ADAM22: variants seen among roughly 807,000 people sequenced by gnomAD.
ADAM22 encodes the protein disintegrin and metalloproteinase domain-containing protein 22.
ADAM22 carries 65 observed loss-of-function variants against 144.6 expected under a neutral mutation model. The ratio of observed to expected loss-of-function variants is 0.45; its 90% confidence interval spans 0.37 to 0.55. The LOEUF (loss-of-function observed/expected upper bound fraction) is 0.55, where lower values mean the gene tolerates loss of function less well. ADAM22 is among the 20% of genes least tolerant of loss of function. The pLI is 0.00. For synonymous variants in ADAM22, 391 were observed against 412.6 expected (o/e 0.95, Z 0.63); for missense variants, 974 against 1,184.9 (o/e 0.82, Z 2.61).
intron 29 of ADAM22, among the ~76,000 whole-genome samples, chr7:88,184,072 A>G (rs796718413): frequency 2.2e-4 from 34 of 152,188 alleles, no homozygotes; most frequent in African/African-American, 7.7e-4. Flanking sequence ...CCATTACTCA[A>G]AATTCCCTTT....
chr7:88,003,851 C>T (rs1293965647), intron 3 of ADAM22, among the ~76,000 whole-genome samples: 6 of 152,070 alleles, frequency 3.9e-5, no homozygotes, highest in Non-Finnish European at 5.9e-5. Flanking sequence ...CATATATAGA[C>T]GAACATATGG....
intron 4 of ADAM22, among the ~76,000 whole-genome samples, chr7:88,099,922 T>TA (rs1283189151): frequency 6.6e-6 from 1 of 152,096 alleles, no homozygotes; most frequent in Non-Finnish European, 1.5e-5. Flanking sequence ...CTACCAATTT[T>TA]AAAAAAATGA....
chr7:88,192,563 A>AT (rs1849853889), intron 30 of ADAM22, among the ~76,000 whole-genome samples: 1 of 152,126 alleles, frequency 6.6e-6, no homozygotes, highest in Non-Finnish European at 1.5e-5. Flanking sequence ...CATGTTTACT[A>AT]ATTTATTAAA....
intron 3 of ADAM22, among the ~76,000 whole-genome samples, chr7:88,004,140 A>C (rs554197997): frequency 3.9e-5 from 6 of 152,320 alleles, no homozygotes; most frequent in South Asian, 4.1e-4. Flanking sequence ...CATTGCCTGC[A>C]CTAAGAGGCT....
chr7:88,042,228 C>T (rs1803323346), intron 3 of ADAM22, among the ~76,000 whole-genome samples: 1 of 151,914 alleles, frequency 6.6e-6, no homozygotes, highest in Non-Finnish European at 1.5e-5. Flanking sequence ...TTTAGTAGGC[C>T]ATAAGAAAGA....
At chr7:87,936,796 A>T (rs1290139993) in intron 2 of ADAM22, among the ~76,000 whole-genome samples, 1 of 151,518 alleles carries the variant, frequency 6.6e-6, no homozygotes, top group Non-Finnish European at 1.5e-5. Flanking sequence ...AGTTCTCGTA[A>T]ATATGTATGT....
intron 3 of ADAM22, among the ~76,000 whole-genome samples, chr7:88,073,552 C>G (rs1049293789): frequency 7.2e-5 from 11 of 152,146 alleles, no homozygotes; most frequent in African/African-American, 2.4e-4. Flanking sequence ...GGTGAGGGAA[C>G]CAAAAGCTCC....
In ADAM22 at chr7:87,944,831, G is replaced by GT. The variant is rs1383358458; in HGVS notation, c.246+9658dup. Reference sequence around the variant, plus strand: ...GGAAACTTGTGTTTTTTTTTTTTTTGTTTTTTTTTTTTTAGTCAGTCTTGT... The same window carrying GT: ...GGAAACTTGTGTTTTTTTTTTTTTTGTTTTTTTTTTTTTTAGTCAGTCTTGT... On this transcript the variant is annotated intron_variant, in intron 2 of 31. Coordinates refer to ENST00000413139, the MANE Select transcript of ADAM22 (RefSeq NM_001324418.2). 4.5e-3 allele frequency among the ~76,000 whole-genome samples: 516 copies of GT among 114,068 alleles called. 6 individuals carry two copies. Among genetic ancestry groups the GT allele is most frequent in the African/African-American group, 0.013 (398 of 30,146 alleles). 74.8% of individuals were successfully genotyped at this position (114,068 alleles called of 152,430 possible). A position where few individuals can be genotyped will look rare whatever the true frequency, so the allele number is the denominator to read the frequency against.
intron 3 of ADAM22, among the ~76,000 whole-genome samples, chr7:88,013,046 C>T (rs1416710284): frequency 6.6e-6 from 1 of 152,192 alleles, no homozygotes; most frequent in African/African-American, 2.4e-5. Flanking sequence ...GCAAAACTCT[C>T]AAAAGTATGG....
chr7:87,992,004 A>C (rs1406961017), intron 3 of ADAM22, among the ~76,000 whole-genome samples: 1 of 152,244 alleles, frequency 6.6e-6, no homozygotes, highest in Admixed American at 6.5e-5. Flanking sequence ...AATCAGATTC[A>C]GCTTAGATCA....
At chr7:87,960,477 G>A (rs2129445142) in intron 2 of ADAM22, among the ~76,000 whole-genome samples, 1 of 152,030 alleles carries the variant, frequency 6.6e-6, no homozygotes, top group South Asian at 2.1e-4. Flanking sequence ...TATTTCACTT[G>A]ACAAGAAGAG....
intron 3 of ADAM22, among the ~76,000 whole-genome samples, chr7:88,069,319 T>C (rs1812128559): frequency 6.6e-6 from 1 of 152,098 alleles, no homozygotes; most frequent in Non-Finnish European, 1.5e-5. Context: ...CACAAGTTGC[T>C]GGCACCTTGA....
intron 3 of ADAM22, among the ~76,000 whole-genome samples, chr7:87,995,079 A>G (rs1370914131): frequency 6.6e-6 from 1 of 152,118 alleles, no homozygotes; most frequent in African/African-American, 2.4e-5. Flanking sequence ...CGGCCTCCCA[A>G]AGTGCTGGGA....
chr7:88,113,717 T>TTTATATATATATTTATATAA (rs1554478803), intron 5 of ADAM22, among the ~76,000 whole-genome samples: 2 of 112,592 alleles, frequency 1.8e-5, no homozygotes, highest in Non-Finnish European at 3.6e-5. Flanking sequence ...TATATATATA[T>TTTATATATATATTTATATAA]ATATATATAT....
intron 3 of ADAM22, among the ~76,000 whole-genome samples, chr7:88,069,409 T>A (rs1812156393): frequency 6.6e-6 from 1 of 152,182 alleles, no homozygotes; most frequent in Admixed American, 6.6e-5. Context: ...GATATTCTGT[T>A]ACAGCAGCAC....
chr7:88,096,788 A>G (rs1425422512), intron 4 of ADAM22, among the ~76,000 whole-genome samples: 2 of 152,042 alleles, frequency 1.3e-5, no homozygotes, highest in East Asian at 3.9e-4. Flanking sequence ...TGGTGGTTCA[A>G]CTCCCTTCTT....
chr7:88,162,828 C>G (rs1842041533), intron 22 of ADAM22, among the ~76,000 whole-genome samples, 184 bp from the exon 23 acceptor site: 1 of 151,968 alleles, frequency 6.6e-6, no homozygotes, highest in Non-Finnish European at 1.5e-5. Flanking sequence ...TCAATTTCTC[C>G]AAAAGGAATT....
intron 28 of ADAM22, 86 bp from the exon 29 acceptor site, chr7:88,181,872 A>G (rs1341818868): frequency 2.0e-5 from 24 of 1,218,386 alleles, no homozygotes; most frequent in East Asian, 9.3e-5. Flanking sequence ...CTGCTTATCA[A>G]TTATACCCAC....
At chr7:87,959,785 A>C (rs1010859412) in intron 2 of ADAM22, among the ~76,000 whole-genome samples, 24 of 152,248 alleles carry the variant, frequency 1.6e-4, no homozygotes, top group African/African-American at 5.5e-4. Context: ...TGCATTTGAA[A>C]TATATGTATG....
Sources: gnomAD v4.1 joint callset for allele counts (sites outside exome capture counted in the v4.1 genomes callset) on GRCh38, gnomAD v4.1.1 for gene constraint, MANE v1.5 for transcripts, NCBI Gene and HGNC (gene_info 2026-07-23, HGNC 2026-07-21) for gene names.